NPAS2: variants seen among roughly 807,000 people sequenced by gnomAD.
The protein encoded by NPAS2 is neuronal PAS domain-containing protein 2.
NPAS2 carries 23 observed loss-of-function variants against 107.5 expected under a neutral mutation model. That is an observed-to-expected ratio of 0.21 (90% CI 0.15 to 0.30). The LOEUF (loss-of-function observed/expected upper bound fraction) is 0.30, where lower values mean the gene tolerates loss of function less well. NPAS2 is among the 10% of genes least tolerant of loss of function. The pLI is 1.00. For missense variants in NPAS2, 756 were observed against 1,043.3 expected, an observed-to-expected ratio of 0.72 and a Z score of 3.79; for synonymous variants, 403 against 417.5, an observed-to-expected ratio of 0.97 and a Z score of 0.42.
intron 19 of NPAS2, among the ~76,000 whole-genome samples, chr2:100,992,853 A>G (rs1678213176): frequency 6.6e-6 from 1 of 151,408 alleles, no homozygotes; most frequent in Non-Finnish European, 1.5e-5. Flanking sequence ...TGATGTGCAA[A>G]TATCTTCCCC....
chr2:100,867,423 G>A (rs1446161169), intron 1 of NPAS2, among the ~76,000 whole-genome samples: 1 of 152,044 alleles, frequency 6.6e-6, no homozygotes, highest in Admixed American at 6.6e-5. Context: ...TTGTTTTGTG[G>A]CCCTCTCTGA....
intron 7 of NPAS2, among the ~76,000 whole-genome samples, chr2:100,957,296 G>A (rs928110370): frequency 7.9e-5 from 12 of 152,184 alleles, no homozygotes; most frequent in Admixed American, 2.6e-4. Context: ...ATGTAACCCC[G>A]TGTCCTATTC....
At chr2:100,887,219 G>C (rs1363661857) in intron 1 of NPAS2, among the ~76,000 whole-genome samples, 1 of 152,160 alleles carries the variant, frequency 6.6e-6, no homozygotes, top group Non-Finnish European at 1.5e-5. Flanking sequence ...CCTATAAGTA[G>C]AGCACCTGAG....
intron 7 of NPAS2, among the ~76,000 whole-genome samples, chr2:100,952,929 C>T (rs1281333804): frequency 6.7e-6 from 1 of 149,858 alleles, no homozygotes; most frequent in South Asian, 2.1e-4. Flanking sequence ...AGAAAGAGTG[C>T]GGAGTGTCTT....
intron 10 of NPAS2, among the ~76,000 whole-genome samples, chr2:100,966,585 CTTTT>C (rs765292891): frequency 1.7e-4 from 20 of 120,340 alleles, no homozygotes; most frequent in Non-Finnish European, 2.0e-4. Context: ...CCCATTAGAA[CTTTT>C]TTTTTTTTTT....
At chr2:100,913,210 T>C (rs1193010235) in intron 2 of NPAS2, among the ~76,000 whole-genome samples, 1 of 152,184 alleles carries the variant, frequency 6.6e-6, no homozygotes, top group Non-Finnish European at 1.5e-5. Context: ...GCTGCACATC[T>C]ATCTGCATAC....
intron 7 of NPAS2, among the ~76,000 whole-genome samples, chr2:100,958,909 G>C (rs1234553607): frequency 6.6e-6 from 1 of 152,042 alleles, no homozygotes; most frequent in African/African-American, 2.4e-5. Context: ...CCAGAGGAAA[G>C]AAGAAATATT....
Position 100,881,971 on chromosome 2 carries a change from A to G in NPAS2, c.-22-22762A>G, listed in dbSNP as rs565096727. ...CCCTGCCCGGAGCCCAGGCTGGGTA[A>G]TTATTGGGTATGCTGAAACTGCTGG... On this transcript the variant is annotated intron_variant, in intron 1 of 20. Coordinates refer to ENST00000335681, the MANE Select transcript of NPAS2 (RefSeq NM_002518.4). 3.3e-5 allele frequency among the ~76,000 whole-genome samples: 5 copies of G among 152,350 alleles called. No individual in the cohort carries two copies. The East Asian group carries it at 9.6e-4, about 29-fold the overall frequency.
At chr2:100,950,942 C>T (rs1006945264) in intron 7 of NPAS2, among the ~76,000 whole-genome samples, 2 of 152,194 alleles carry the variant, frequency 1.3e-5, no homozygotes, top group African/African-American at 4.8e-5. Flanking sequence ...TTGGGCTACT[C>T]AGTTAAAGAA....
intron 1 of NPAS2, among the ~76,000 whole-genome samples, chr2:100,851,637 C>T (rs1216502130): frequency 6.6e-6 from 1 of 152,094 alleles, no homozygotes; most frequent in African/African-American, 2.4e-5. Flanking sequence ...TGTTGTTTCT[C>T]GAGACTACAG....
At position 100,864,797 on chromosome 2, in the gene NPAS2, A is replaced by C. The variant is rs1351808646; in HGVS notation, c.-22-39936A>C. 2.0e-5 allele frequency among the ~76,000 whole-genome samples: 3 copies of C among 152,314 alleles called. No homozygotes were observed. The East Asian group carries it at 5.8e-4, about 29-fold the overall frequency. ...ATTCTTCAGAATTATTGAGAATCCC[A>C]AAGAGGTTTTGTTTATGTGGGTTTA... On this transcript the variant is annotated intron_variant, in intron 1 of 20. Transcript: ENST00000335681.
chr2:100,927,830 C>G (rs942216837), intron 3 of NPAS2, among the ~76,000 whole-genome samples: 2 of 152,138 alleles, frequency 1.3e-5, no homozygotes, highest in African/African-American at 4.8e-5. Flanking sequence ...TGCCAGTCAC[C>G]CAGGATGTTA....
At chr2:100,915,048 C>T (rs2104833116) in intron 2 of NPAS2, among the ~76,000 whole-genome samples, 1 of 152,302 alleles carries the variant, frequency 6.6e-6, no homozygotes, top group East Asian at 1.9e-4. Context: ...AACAAGGTCT[C>T]CTAATGCTCA....
Position 100,968,983 on chromosome 2 carries a change from C to G in NPAS2, c.1055+555C>G, listed in dbSNP as rs909949829. On this transcript the variant is annotated intron_variant, in intron 11 of 20. Transcript: ENST00000335681. This position sits in a 1 kb window ranked among gnomAD's most constrained non-coding sequence, Gnocchi z 5.3. Reference sequence around the variant, plus strand: ...CTCCACCCAGGGCGGGTGAGCAGGACTTTAAAGAGACGCGGCATGCCCAGG... The same window carrying G: ...CTCCACCCAGGGCGGGTGAGCAGGAGTTTAAAGAGACGCGGCATGCCCAGG... Among the ~76,000 whole-genome samples, 1 of 152,174 alleles carries G rather than the reference C, an allele frequency of 6.6e-6. No homozygotes were observed. The highest frequency in any genetic ancestry group is 1.5e-5 in the Non-Finnish European group (1 of 68,030).
chr2:100,860,670 G>T (rs1041441671), intron 1 of NPAS2, among the ~76,000 whole-genome samples: 1 of 152,066 alleles, frequency 6.6e-6, no homozygotes, highest in Non-Finnish European at 1.5e-5. Flanking sequence ...CTCTATATCA[G>T]TATGGGTTTG....
chr2:100,855,762 C>T (rs1313057415), intron 1 of NPAS2, among the ~76,000 whole-genome samples: 1 of 152,208 alleles, frequency 6.6e-6, no homozygotes, highest in Non-Finnish European at 1.5e-5. Flanking sequence ...CAGGCCCATT[C>T]CCCAAACTCA....
Position 100,990,843 on chromosome 2 carries a change from G to T in NPAS2, c.2082G>T (p.Ser694=). The T allele has an allele frequency of 6.2e-7, 1 of 1,614,182 alleles. No individual in the cohort carries two copies. The highest frequency in any genetic ancestry group is 8.5e-7 in the Non-Finnish European group (1 of 1,180,018). Reference sequence around the variant, plus strand: ...GGTCCTGTGACGCAAGGCAGCCCTCGGAAGTCAGCAGGACGGGACGGCAAG... The same window carrying T: ...GGTCCTGTGACGCAAGGCAGCCCTCTGAAGTCAGCAGGACGGGACGGCAAG... ...MPGSCDARQP[S]EVSRTGRQVK... The change falls in exon 19 of 21, where the codon TCG becomes TCT. Residue 694 remains serine (S), a synonymous_variant. Coordinates refer to ENST00000335681, the MANE Select transcript of NPAS2 (RefSeq NM_002518.4).
intron 2 of NPAS2, among the ~76,000 whole-genome samples, chr2:100,912,725 A>G (rs984004892): frequency 6.6e-6 from 1 of 152,232 alleles, no homozygotes; most frequent in Non-Finnish European, 1.5e-5. Flanking sequence ...TCAAGGGCGA[A>G]TGTCACGGGG....
At chr2:100,833,143 A>C (rs979415586) in intron 1 of NPAS2, among the ~76,000 whole-genome samples, 1 of 152,164 alleles carries the variant, frequency 6.6e-6, no homozygotes, top group Non-Finnish European at 1.5e-5. Context: ...CCATCGTCTT[A>C]TGGGCCAGGG....
Sources: allele counts gnomAD v4.1 joint callset (sites outside exome capture counted in the v4.1 genomes callset), GRCh38; gene constraint gnomAD v4.1.1; non-coding constraint Gnocchi (gnomAD v3.1); transcripts MANE v1.5; gene names NCBI Gene and HGNC (gene_info 2026-07-23, HGNC 2026-07-21).